Variants in ZDHHC1 observed in about 807,000 individuals in gnomAD.
ZDHHC1 encodes the protein zDHHC palmitoyltransferase 1.
In ZDHHC1, 45 loss-of-function variants were observed where a neutral mutation model predicts 46.9. That is an observed-to-expected ratio of 0.96 (90% CI 0.76 to 1.23). The LOEUF is 1.23. Ranked by LOEUF, ZDHHC1 falls within the 50% of genes most tolerant of loss-of-function variation. ZDHHC1 has a pLI of 0.00. For missense variants in ZDHHC1, 649 were observed against 670.8 expected (o/e 0.97, Z 0.36); for synonymous variants, 291 against 286.0 (o/e 1.02, Z -0.18).
rs1455991882 is a variant in ZDHHC1 at position 67,407,814 on chromosome 16, C to T, written c.-38-1G>A. On this transcript the variant is annotated splice_acceptor_variant, in intron 1 of 11. Transcript: ENST00000565726. LOFTEE classifies it low-confidence loss of function (5UTR_SPLICE). ...TAAATGTTTGCTGACTTGAAAACAG[C>T]TGAAATAAAAGGAAACGTGGGCACA... The T allele has an allele frequency of 1.3e-6, 1 of 780,186 alleles. No homozygotes were observed. Among genetic ancestry groups the T allele is most frequent in the Non-Finnish European group, 2.4e-6 (1 of 417,646 alleles). The allele number at this position is 780,186 out of a possible 1,614,324, so 48.3% of individuals were successfully genotyped here. A position where few individuals can be genotyped will look rare whatever the true frequency, so the allele number is the denominator to read the frequency against.
At chr16:67,412,487 G>A (rs2040763413) in intron 1 of ZDHHC1, among the ~76,000 whole-genome samples, 1 of 152,168 alleles carries the variant, frequency 6.6e-6, no homozygotes, top group Admixed American at 6.5e-5. Context: ...AAGGGGGCTT[G>A]GTTTTAGTGA....
At chr16:67,397,465 C>G (rs1037613833) in intron 8 of ZDHHC1, among the ~76,000 whole-genome samples, 5 of 152,214 alleles carry the variant, frequency 3.3e-5, no homozygotes, top group Non-Finnish European at 7.4e-5. Flanking sequence ...GTGTCCAGCC[C>G]TGGTGACAAG....
At chr16:67,396,961 CCA>C (rs2040446059) in intron 8 of ZDHHC1, among the ~76,000 whole-genome samples, 1 of 152,220 alleles carries the variant, frequency 6.6e-6, no homozygotes, top group Non-Finnish European at 1.5e-5. Context: ...CAGTGAGTCC[CCA>C]CTCAGAGCCC....
Position 67,404,823 on chromosome 16 carries a change from AT to A in ZDHHC1, c.252+1376del, listed in dbSNP as rs1231204423. 23 of 425,936 alleles carry A rather than the reference AT, an allele frequency of 5.4e-5. No homozygotes were observed. The Admixed American group carries it at 5.7e-4, about 11-fold the overall frequency. 26.4% of individuals were successfully genotyped at this position (425,936 alleles called of 1,614,324 possible). A position where few individuals can be genotyped will look rare whatever the true frequency, so the allele number is the denominator to read the frequency against. ...AGGGCCTGGCACATGTAAGGGCTCA[AT>A]AAAGTCTACTGCCTTCTGTTTATCA... On this transcript the variant is annotated intron_variant, in intron 3 of 11. Coordinates refer to ENST00000565726, the MANE Select transcript of ZDHHC1 (RefSeq NM_001323627.2).
Position 67,400,916 on chromosome 16 carries a change from C to T in ZDHHC1, c.428+41G>A, listed in dbSNP as rs2040538754. On this transcript the variant is annotated intron_variant, in intron 4 of 11. Coordinates refer to ENST00000565726, the MANE Select transcript of ZDHHC1 (RefSeq NM_001323627.2). ...GGCACCCCCTCTCCACCATACACCC[C>T]ACAGCACACTCGGCAGCCACAAGCA... 7 of 1,601,498 alleles carry T rather than the reference C, an allele frequency of 4.4e-6. No homozygotes were observed. In the East Asian group the frequency reaches 1.6e-4, roughly 36 times the overall value.
intron 4 of ZDHHC1, among the ~76,000 whole-genome samples, chr16:67,400,503 G>A (rs2040530696): frequency 6.6e-6 from 1 of 152,228 alleles, no homozygotes; most frequent in Admixed American, 6.5e-5. Flanking sequence ...GGCCAGATGT[G>A]AATCTGGCTC....
chr16:67,407,656 CTCA>C, intron 2 of ZDHHC1, 108 bp downstream of exon 2: 1 of 752,496 alleles, frequency 1.3e-6, no homozygotes, highest in South Asian at 1.4e-5. Context: ...CTTTGCAATC[CTCA>C]TGTCTGCCCT....
At chr16:67,395,412 C>T (rs2040409952) in intron 9 of ZDHHC1, 72 bp downstream of exon 9, 1 of 1,543,526 alleles carries the variant, frequency 6.5e-7, no homozygotes, top group Non-Finnish European at 8.7e-7. Flanking sequence ...TAGCCTACCC[C>T]CTTCTCCTGC....
chr16:67,394,488 G>GA lies in ZDHHC1; in HGVS notation c.*121dup. 1.2e-6 allele frequency: 1 copy of GA among 839,088 alleles called. No homozygotes were observed. Among genetic ancestry groups the GA allele is most frequent in the Non-Finnish European group, 1.5e-6 (1 of 664,006 alleles). 52.0% of individuals were successfully genotyped at this position (839,088 alleles called of 1,614,324 possible). On this transcript the variant is annotated 3_prime_UTR_variant, in exon 12 of 12. Transcript: ENST00000565726. ...GGGCGGGTATTGCTGAGTCGTGGGG[G>GA]AGGGAGGCCGATCCCGCCGGCCGTA...
At chr16:67,409,379 G>C (rs1036316472) in intron 1 of ZDHHC1, among the ~76,000 whole-genome samples, 4 of 152,048 alleles carry the variant, frequency 2.6e-5, no homozygotes, top group Non-Finnish European at 1.5e-5. Context: ...GGATACCCCC[G>C]ATACTCCAAA....
intron 1 of ZDHHC1, among the ~76,000 whole-genome samples, chr16:67,412,862 G>A (rs2040770854): frequency 6.6e-6 from 1 of 151,796 alleles, no homozygotes; most frequent in Non-Finnish European, 1.5e-5. Context: ...GTGCAGTGGT[G>A]CGATCTTGGC....
At chr16:67,410,056 G>A (rs1001138088) in intron 1 of ZDHHC1, among the ~76,000 whole-genome samples, 1 of 152,152 alleles carries the variant, frequency 6.6e-6, no homozygotes, top group African/African-American at 2.4e-5. Context: ...AGGAGTTGCG[G>A]GGCTCAGATC....
At chr16:67,403,969 G>A (rs558694246) in intron 3 of ZDHHC1, among the ~76,000 whole-genome samples, 17 of 152,236 alleles carry the variant, frequency 1.1e-4, no homozygotes, top group Admixed American at 3.3e-4. Context: ...GAGCTGGGGC[G>A]CAACATTATC....
intron 1 of ZDHHC1, among the ~76,000 whole-genome samples, chr16:67,409,569 T>C (rs1358043537): frequency 1.3e-5 from 2 of 152,192 alleles, no homozygotes; most frequent in African/African-American, 2.4e-5. Context: ...TGGCTACAAA[T>C]TCCTTCGGCC....
intron 1 of ZDHHC1, among the ~76,000 whole-genome samples, chr16:67,410,216 C>T (rs1037698186): frequency 1.3e-5 from 2 of 152,148 alleles, no homozygotes; most frequent in Non-Finnish European, 2.9e-5. Flanking sequence ...ATGGGGGAAG[C>T]GGCACCACAG....
intron 1 of ZDHHC1, among the ~76,000 whole-genome samples, chr16:67,409,293 CA>C (rs1165504788): frequency 6.6e-6 from 1 of 151,196 alleles, no homozygotes; most frequent in African/African-American, 2.5e-5. Flanking sequence ...TACTCCAAAT[CA>C]GGATACCCCC....
Position 67,406,192 on chromosome 16 carries a change from A to G in ZDHHC1, c.252+8T>C. ...CCACACACCAGCCCTACGCTTTCCCAAGGATACAGCGTAGCCAGCGGGCAC... is the reference window on the plus strand; with the variant it reads ...CCACACACCAGCCCTACGCTTTCCCGAGGATACAGCGTAGCCAGCGGGCAC... On this transcript the variant is annotated splice_region_variant and intron_variant, in intron 3 of 11. Transcript: ENST00000565726. This position sits in a 1 kb window ranked among gnomAD's most constrained non-coding sequence, Gnocchi z 4.1. The G allele has an allele frequency of 6.2e-7, 1 of 1,613,412 alleles. No individual in the cohort carries two copies. The highest frequency in any genetic ancestry group is 8.5e-7 in the Non-Finnish European group (1 of 1,179,684).
rs371791078 is a variant in ZDHHC1, at chr16:67,398,744, G to T, written c.656-13C>A. The T allele has an allele frequency of 3.5e-4, 565 of 1,610,972 alleles. 2 individuals carry two copies. The highest frequency in any genetic ancestry group is 2.0e-3 in the Middle Eastern group (12 of 6,058). ...TGATTCTTCAGGACTGCAAGGCACA[G>T]GCAGTGTGTGCTCAGCCGGGGACGT... On this transcript the variant is annotated splice_polypyrimidine_tract_variant and intron_variant, in intron 6 of 11. Transcript: ENST00000565726.
intron 1 of ZDHHC1, 95 bp from the exon 2 acceptor site, chr16:67,407,908 A>T: frequency 1.4e-6 from 1 of 692,756 alleles, no homozygotes; most frequent in Non-Finnish European, 2.7e-6. Context: ...CCATCCATCC[A>T]GCCCTGCCCT....
Sources: allele counts gnomAD v4.1 joint callset (sites outside exome capture counted in the v4.1 genomes callset), GRCh38; gene constraint gnomAD v4.1.1; non-coding constraint Gnocchi (gnomAD v3.1); transcripts MANE v1.5; gene names NCBI Gene and HGNC (gene_info 2026-07-23, HGNC 2026-07-21).